The following UPF2 variants were observed in gnomAD, a reference collection of about 807,000 sequenced individuals.
UPF2 encodes UPF2 regulator of nonsense mediated mRNA decay.
In UPF2, 17 loss-of-function variants were observed where a neutral mutation model predicts 141.4. The ratio of observed to expected loss-of-function variants is 0.12; its 90% confidence interval spans 0.08 to 0.18. The LOEUF is 0.18. Ranked by LOEUF, UPF2 falls within the 10% of genes least tolerant of loss-of-function variation. UPF2 has a pLI of 1.00. For synonymous variants in UPF2, 540 were observed against 498.0 expected, an observed-to-expected ratio of 1.08 and a Z score of -1.12; for missense variants, 1,152 against 1,515.9, an observed-to-expected ratio of 0.76 and a Z score of 3.99.
chr10:12,026,566 G>A (rs1374799113), intron 3 of UPF2: 1 of 439,316 alleles, frequency 2.3e-6, no homozygotes, highest in African/African-American at 2.1e-5. Context: ...GTGGTAAAGG[G>A]CCACCTTTCC....
At chr10:11,977,231 A>G (rs976638539) in intron 9 of UPF2, among the ~76,000 whole-genome samples, 2 of 152,192 alleles carry the variant, frequency 1.3e-5, no homozygotes, top group African/African-American at 4.8e-5. Flanking sequence ...ATGCTGAGAA[A>G]AGGTGTTTGT....
chr10:11,952,140 A>G lies in UPF2; in HGVS notation c.2960T>C (p.Ile987Thr), dbSNP rs759591095. 1 of 1,614,080 alleles carries G rather than the reference A, an allele frequency of 6.2e-7. No homozygotes were observed. The highest frequency in any genetic ancestry group is 8.5e-7 in the Non-Finnish European group (1 of 1,179,970). The change falls in exon 15 of 22, where the codon ATC becomes ACC. Residue 987 changes from isoleucine (I) to threonine (T), a missense_variant. By Grantham distance (89) the Ile-to-Thr change is moderately conservative. Transcript: ENST00000357604. ...TTCTTCCAGAGAATTACAGAGTTTG[A>G]TCTTTGGTCTTAGCAGTTCTAGTGT... ...SDTLELLRPK[I>T]KLCNSLEESI...
At chr10:11,976,673 T>C (rs1833510652) in intron 9 of UPF2, among the ~76,000 whole-genome samples, 1 of 151,980 alleles carries the variant, frequency 6.6e-6, no homozygotes, top group African/African-American at 2.4e-5. Flanking sequence ...GCCAGGTAAA[T>C]GCATCCCATT....
rs1832852100 is a variant in UPF2, at chr10:11,936,460, T to G, written c.3546+85A>C. The G allele has an allele frequency of 1.4e-6, 2 of 1,398,684 alleles. No homozygotes were observed. The highest frequency in any genetic ancestry group is 2.9e-5 in the African/African-American group (2 of 69,072). The allele number at this position is 1,398,684 out of a possible 1,614,324, so 86.6% of individuals were successfully genotyped here. A position where few individuals can be genotyped will look rare whatever the true frequency, so the allele number is the denominator to read the frequency against. ...TGAATGGTTTAAAACTGTCCAACCC[T>G]TATCCCCTTGTAGGTCAAAGATAAG... On this transcript the variant is annotated intron_variant, in intron 19 of 21. Coordinates refer to ENST00000357604, the MANE Select transcript of UPF2 (RefSeq NM_015542.4). This position sits in a 1 kb window ranked among gnomAD's most constrained non-coding sequence, Gnocchi z 6.6.
intron 7 of UPF2, among the ~76,000 whole-genome samples, chr10:11,997,996 G>A (rs1220489880): frequency 1.3e-5 from 2 of 152,192 alleles, no homozygotes; most frequent in East Asian, 1.9e-4. Flanking sequence ...AAAGGGGAAT[G>A]AGCAAAGAGA....
chr10:11,948,882 CTT>C (rs1392136222), intron 15 of UPF2, among the ~76,000 whole-genome samples: 2 of 152,166 alleles, frequency 1.3e-5, no homozygotes, highest in African/African-American at 4.8e-5. Context: ...TGGCCACACT[CTT>C]TACCAAGTGA....
At chr10:11,946,940 G>A (rs536697792) in intron 16 of UPF2, among the ~76,000 whole-genome samples, 15 of 152,346 alleles carry the variant, frequency 9.8e-5, no homozygotes, top group South Asian at 8.3e-4. Context: ...TGCGGCTCAC[G>A]CCTGTACTCC....
At chr10:12,029,600 A>C (rs1360689809) in intron 2 of UPF2, 76 bp from the exon 3 acceptor site, 1 of 1,430,762 alleles carries the variant, frequency 7.0e-7, no homozygotes, top group African/African-American at 1.4e-5. Context: ...TAAGAGTAAA[A>C]AGCCAATGAA....
chr10:11,958,701 C>T (rs1415429611), intron 12 of UPF2, among the ~76,000 whole-genome samples: 1 of 152,054 alleles, frequency 6.6e-6, no homozygotes, highest in Admixed American at 6.6e-5. Flanking sequence ...TGATTCTTTA[C>T]CTTCACTGGA....
intron 7 of UPF2, among the ~76,000 whole-genome samples, chr10:11,999,411 G>A (rs948190638): frequency 6.6e-6 from 1 of 151,196 alleles, no homozygotes; most frequent in Non-Finnish European, 1.5e-5. Context: ...TACTCGAGAG[G>A]CTGAGGCAGG....
chr10:11,987,234 G>A (rs1833707527), intron 8 of UPF2, among the ~76,000 whole-genome samples: 1 of 152,158 alleles, frequency 6.6e-6, no homozygotes, highest in Non-Finnish European at 1.5e-5. Flanking sequence ...CCTAGGTGAT[G>A]AGATGATCTG....
rs561421307 is a variant in UPF2 at position 12,030,744 on chromosome 10, C to T, written c.366-1220G>A. ...TAAAAATAACAAAAAATTAGCAGGG[C>T]ATGGTTGCACGCGCCTGTAGTCCCA... On this transcript the variant is annotated intron_variant, in intron 2 of 21. Coordinates refer to ENST00000357604, the MANE Select transcript of UPF2 (RefSeq NM_015542.4). Among the ~76,000 whole-genome samples the T allele has an allele frequency of 9.9e-5, 15 of 151,288 alleles. No individual in the cohort carries two copies. The East Asian group carries it at 2.3e-3, about 24-fold the overall frequency.
intron 8 of UPF2, among the ~76,000 whole-genome samples, chr10:11,991,539 T>C (rs1398136850): frequency 6.6e-6 from 1 of 152,150 alleles, no homozygotes; most frequent in Non-Finnish European, 1.5e-5. Flanking sequence ...AAGAACTATT[T>C]ATCCTAGGAA....
intron 9 of UPF2, among the ~76,000 whole-genome samples, chr10:11,978,673 C>T (rs1833544999): frequency 6.6e-6 from 1 of 152,150 alleles, no homozygotes; most frequent in Non-Finnish European, 1.5e-5. Context: ...CACATTTGGA[C>T]CCAAGCACCT....
At position 11,930,285 on chromosome 10, in the gene UPF2, G is replaced by A. The variant is rs147656821; in HGVS notation, c.3689-300C>T. On this transcript the variant is annotated intron_variant, in intron 20 of 21. Transcript: ENST00000357604. ...ATTGCAATAGCTAAGAGCATCGTGTGTAGAGCGAGACTACTGGTTAATATC... is the reference window on the plus strand; with the variant it reads ...ATTGCAATAGCTAAGAGCATCGTGTATAGAGCGAGACTACTGGTTAATATC... 1.6e-3 allele frequency among the ~76,000 whole-genome samples: 242 copies of A among 152,340 alleles called. 1 individual carries two copies. The highest frequency in any genetic ancestry group is 5.4e-3 in the African/African-American group (224 of 41,574).
intron 14 of UPF2, among the ~76,000 whole-genome samples, chr10:11,954,421 G>A (rs575059979): frequency 9.2e-5 from 14 of 151,746 alleles, no homozygotes; most frequent in Non-Finnish European, 2.1e-4. Flanking sequence ...ATCACCTGAG[G>A]TCAGGAGTTC....
At chr10:12,008,332 AG>A (rs1834069104) in intron 4 of UPF2, among the ~76,000 whole-genome samples, 1 of 152,214 alleles carries the variant, frequency 6.6e-6, no homozygotes, top group Admixed American at 6.5e-5. Flanking sequence ...AAGAGTGTAA[AG>A]AAACAGTCAT....
chr10:11,956,876 A>C lies in UPF2; in HGVS notation c.2371-353T>G, dbSNP rs1399187243. On this transcript the variant is annotated intron_variant, in intron 12 of 21. Transcript: ENST00000357604. This position sits in a 1 kb window ranked among gnomAD's most constrained non-coding sequence, Gnocchi z 4.2. Reference sequence around the variant, plus strand: ...CACTCTGTCACCCAGGCTGGAGTGCAGTAGCGCAATCTTGACTCACTGCAA... The same window carrying C: ...CACTCTGTCACCCAGGCTGGAGTGCCGTAGCGCAATCTTGACTCACTGCAA... 1.3e-5 allele frequency among the ~76,000 whole-genome samples: 2 copies of C among 152,036 alleles called. No individual in the cohort carries two copies. Among genetic ancestry groups the C allele is most frequent in the Non-Finnish European group, 2.9e-5 (2 of 67,994 alleles).
intron 10 of UPF2, among the ~76,000 whole-genome samples, chr10:11,965,696 T>C (rs982621120): frequency 6.6e-6 from 1 of 152,116 alleles, no homozygotes; most frequent in Admixed American, 6.6e-5. Flanking sequence ...CCTGACCTCA[T>C]GATCTGCCCG....
Sources: gnomAD v4.1 joint callset for allele counts (sites outside exome capture counted in the v4.1 genomes callset) on GRCh38, gnomAD v4.1.1 for gene constraint, Gnocchi (gnomAD v3.1) non-coding constraint, MANE v1.5 for transcripts, NCBI Gene and HGNC (gene_info 2026-07-23, HGNC 2026-07-21) for gene names.